TMPRSS11E: variants seen among roughly 807,000 people sequenced by gnomAD.
The protein encoded by TMPRSS11E is transmembrane serine protease 11E, also known as transmembrane protease serine 11E.
In TMPRSS11E, 38 loss-of-function variants were observed where a neutral mutation model predicts 48.1. The observed-to-expected ratio is 0.79, with a 90% CI of 0.61 to 1.04. The LOEUF is 1.04. Ranked by LOEUF, TMPRSS11E falls within the 50% of genes least tolerant of loss-of-function variation. TMPRSS11E has a pLI of 0.00. For missense variants in TMPRSS11E, 530 were observed against 510.8 expected, an observed-to-expected ratio of 1.04 and a Z score of -0.36; for synonymous variants, 158 against 171.9, an observed-to-expected ratio of 0.92 and a Z score of 0.63.
At chr4:68,453,581 T>C (rs1023871482) in intron 1 of TMPRSS11E, among the ~76,000 whole-genome samples, 2 of 152,088 alleles carry the variant, frequency 1.3e-5, no homozygotes, top group East Asian at 3.9e-4. Flanking sequence ...ATCTTTCACA[T>C]ATACAGAATT....
Position 68,454,124 on chromosome 4 carries a change from G to A in TMPRSS11E, c.11+6601G>A, listed in dbSNP as rs142107676. Among the ~76,000 whole-genome samples the A allele has an allele frequency of 7.4e-3, 1,119 of 152,018 alleles. 7 individuals carry two copies. Among genetic ancestry groups the A allele is most frequent in the Middle Eastern group, 0.01 (3 of 294 alleles). On this transcript the variant is annotated intron_variant, in intron 1 of 9. Transcript: ENST00000305363. ...AAAAGAATAAATATTTGGGATAGGC[G>A]TCTAGGAGTTTCTAGTATAGCTGTA...
chr4:68,451,821 G>T (rs548647661), intron 1 of TMPRSS11E, among the ~76,000 whole-genome samples: 16 of 151,772 alleles, frequency 1.1e-4, no homozygotes, highest in African/African-American at 3.4e-4. Context: ...TTGCCCAGGG[G>T]TAATAATAAA....
chr4:68,495,928 C>T (rs899350077), intron 9 of TMPRSS11E, among the ~76,000 whole-genome samples: 11 of 152,136 alleles, frequency 7.2e-5, no homozygotes, highest in South Asian at 2.1e-4. Context: ...TAATTAGAAG[C>T]GCCAGGATCT....
intron 9 of TMPRSS11E, among the ~76,000 whole-genome samples, chr4:68,480,551 A>G (rs1282463706): frequency 6.6e-6 from 1 of 151,974 alleles, no homozygotes; most frequent in Admixed American, 6.6e-5. Context: ...CATGATGGTA[A>G]TTGCTCATTG....
In TMPRSS11E at chr4:68,478,147, A is replaced by ATTTTTTTTT. The variant is rs879193345; in HGVS notation, c.967+520_967+521insTTTTTTTTT. On this transcript the variant is annotated intron_variant, in intron 8 of 9. Transcript: ENST00000305363. Reference sequence around the variant, plus strand: ...ATGTAGTCTAAGATTCTGTATCACTATCTTTTTTTTTTTTTTTTGAGACAG... The same window carrying ATTTTTTTTT: ...ATGTAGTCTAAGATTCTGTATCACTATTTTTTTTTTCTTTTTTTTTTTTTTTTGAGACAG... Among the ~76,000 whole-genome samples the ATTTTTTTTT allele has an allele frequency of 4.4e-5, 4 of 90,540 alleles. 1 individual carries two copies. The highest frequency in any genetic ancestry group is 3.9e-5 in the African/African-American group (1 of 25,610). 59.4% of individuals were successfully genotyped at this position (90,540 alleles called of 152,430 possible). A position where few individuals can be genotyped will look rare whatever the true frequency, so the allele number is the denominator to read the frequency against.
chr4:68,448,249 T>C (rs1476452073), intron 1 of TMPRSS11E, among the ~76,000 whole-genome samples: 1 of 152,012 alleles, frequency 6.6e-6, no homozygotes, highest in African/African-American at 2.4e-5. Context: ...GTTTTTACTT[T>C]GAGAACAGTT....
rs781411154 is a variant in TMPRSS11E at position 68,476,325 on chromosome 4, A to G, written c.594A>G (p.Val198=). The part of the protein sequence containing the change: ...QSLRIVGGTE[V]EEGEWPWQAS... ...TCAGGATCGTTGGTGGGACAGAAGTAGAAGAGGGTGAATGGCCCTGGCAGG... is the reference window on the plus strand; with the variant it reads ...TCAGGATCGTTGGTGGGACAGAAGTGGAAGAGGGTGAATGGCCCTGGCAGG... Residue 198 remains valine, a synonymous_variant, in exon 7 of 10, where the codon GTA becomes GTG. Transcript: ENST00000305363. 48 of 1,614,084 alleles carry G rather than the reference A, an allele frequency of 3.0e-5. No homozygotes were observed. Among genetic ancestry groups the G allele is most frequent in the Admixed American group, 5.0e-5 (3 of 60,002 alleles).
intron 4 of TMPRSS11E, among the ~76,000 whole-genome samples, chr4:68,470,377 G>T (rs112667078): frequency 6.6e-6 from 1 of 151,750 alleles, no homozygotes; most frequent in African/African-American, 2.4e-5. Flanking sequence ...AAGAGAGTGT[G>T]GTCGGCATTG....
intron 1 of TMPRSS11E, among the ~76,000 whole-genome samples, chr4:68,454,081 G>A (rs1209915940): frequency 6.6e-6 from 1 of 151,908 alleles, no homozygotes; most frequent in African/African-American, 2.4e-5. Context: ...AAAGATCAAG[G>A]TTTCTGTTAT....
intron 1 of TMPRSS11E, among the ~76,000 whole-genome samples, chr4:68,454,972 A>G (rs573732407): frequency 6.6e-6 from 1 of 152,036 alleles, no homozygotes; most frequent in Non-Finnish European, 1.5e-5. Flanking sequence ...AGCTATTTTG[A>G]AATGCAAAAC....
intron 6 of TMPRSS11E, among the ~76,000 whole-genome samples, chr4:68,476,044 A>G (rs1470615044): frequency 6.6e-6 from 1 of 152,216 alleles, no homozygotes; most frequent in East Asian, 1.9e-4. Context: ...TAGAGAAAGC[A>G]TCCTAGAGAG....
chr4:68,472,991 C>T (rs1729116084), intron 5 of TMPRSS11E, among the ~76,000 whole-genome samples: 1 of 151,996 alleles, frequency 6.6e-6, no homozygotes, highest in South Asian at 2.1e-4. Flanking sequence ...TATTTCAAAT[C>T]ATGGAAATTA....
At chr4:68,493,655 C>G (rs1487595711) in intron 9 of TMPRSS11E, among the ~76,000 whole-genome samples, 1 of 152,040 alleles carries the variant, frequency 6.6e-6, no homozygotes, top group Non-Finnish European at 1.5e-5. Flanking sequence ...TTAGTAGAGA[C>G]AAGGTTTCAC....
At position 68,496,902 on chromosome 4, in the gene TMPRSS11E, G is replaced by C. The variant is rs1436011544; in HGVS notation, c.*98G>C. 1.6e-5 allele frequency: 20 copies of C among 1,232,276 alleles called. No individual in the cohort carries two copies. The Admixed American group carries it at 4.5e-4, about 28-fold the overall frequency. 76.3% of individuals were successfully genotyped at this position (1,232,276 alleles called of 1,614,324 possible). On this transcript the variant is annotated 3_prime_UTR_variant, in exon 10 of 10. Coordinates refer to ENST00000305363, the MANE Select transcript of TMPRSS11E (RefSeq NM_014058.4). ...AGAATTGGAGAAGACTTGCAAAACA[G>C]CTAGATTTGACTGATCTCAATAAAC...
At chr4:68,475,110 AG>A (rs1437773301) in intron 6 of TMPRSS11E, among the ~76,000 whole-genome samples, 1 of 152,140 alleles carries the variant, frequency 6.6e-6, no homozygotes, top group Non-Finnish European at 1.5e-5. Context: ...TTTCAGCTAG[AG>A]GCAGAAACTC....
chr4:68,471,774 A>G (rs1267415087), intron 5 of TMPRSS11E, 151 bp downstream of exon 5: 1 of 542,152 alleles, frequency 1.8e-6, no homozygotes. Context: ...GTCCTAATGA[A>G]GTATTTTAAT....
At chr4:68,490,513 T>C (rs1388011231) in intron 9 of TMPRSS11E, among the ~76,000 whole-genome samples, 1 of 152,138 alleles carries the variant, frequency 6.6e-6, no homozygotes, top group Non-Finnish European at 1.5e-5. Flanking sequence ...GGTGAGGGAC[T>C]AATGCTCATT....
chr4:68,477,512 C>T lies in TMPRSS11E; in HGVS notation c.851C>T (p.Ser284Phe). The stretch of plus-strand genomic sequence containing the variant: ...TATGATATTTCTCTTGCAGAGCTTT[C>T]TAGCCCTGTTCCCTACACAAATGCA... ...HDYDISLAEL[S>F]SPVPYTNAVH... Residue 284 changes from serine (S) to phenylalanine (F), a missense_variant, in exon 8 of 10, where the codon TCT (serine) becomes TTT (phenylalanine). Ser to Phe is a radical substitution (Grantham distance 155). Transcript: ENST00000305363. 1 of 1,614,070 alleles carries T rather than the reference C, an allele frequency of 6.2e-7. No homozygotes were observed. The highest frequency in any genetic ancestry group is 8.5e-7 in the Non-Finnish European group (1 of 1,179,986).
At chr4:68,492,365 A>G (rs1463357309) in intron 9 of TMPRSS11E, among the ~76,000 whole-genome samples, 4 of 152,204 alleles carry the variant, frequency 2.6e-5, no homozygotes, top group African/African-American at 9.7e-5. Flanking sequence ...TTATTACTCA[A>G]TGAGCATATT....
Sources: gnomAD v4.1 joint callset for allele counts (sites outside exome capture counted in the v4.1 genomes callset) on GRCh38, gnomAD v4.1.1 for gene constraint, MANE v1.5 for transcripts, NCBI Gene and HGNC (gene_info 2026-07-23, HGNC 2026-07-21) for gene names.